The following ARHGAP9 variants were observed in gnomAD, a reference collection of about 807,000 sequenced individuals.
The protein encoded by ARHGAP9 is Rho GTPase activating protein 9, also known as rho GTPase-activating protein 9.
ARHGAP9 carries 76 observed loss-of-function variants against 87.3 expected under a neutral mutation model. The ratio of observed to expected loss-of-function variants is 0.87; its 90% confidence interval spans 0.72 to 1.05. The LOEUF (loss-of-function observed/expected upper bound fraction) is 1.05. Among genes scored for constraint, ARHGAP9 ranks in the 50% least tolerant of loss-of-function variants. The probability of loss-of-function intolerance (pLI) is 0.00; values close to 1 mark genes in which losing one functional copy is unlikely to be tolerated. For missense variants in ARHGAP9, 941 were observed against 960.5 expected (o/e 0.98, Z 0.27); for synonymous variants, 382 against 394.9 (o/e 0.97, Z 0.39).
intron 8 of ARHGAP9, 47 bp from the exon 9 acceptor site, chr12:57,476,213 T>C (rs1234735479): frequency 2.7e-6 from 4 of 1,507,456 alleles, no homozygotes; most frequent in Non-Finnish European, 8.9e-7. Context: ...TTTCCTTCAC[T>C]GCTTCCCTCT....
At chr12:57,488,815 T>C (rs1875680369), upstream of ARHGAP9, 3 of 821,780 alleles carry the variant, frequency 3.7e-6, no homozygotes, top group Non-Finnish European at 5.8e-6. Context: ...TGCTTCCAGC[T>C]GGCAGTTTCA....
chr12:57,479,372 C>T lies in ARHGAP9; in HGVS notation c.35G>A (p.Gly12Glu), dbSNP rs749252150. The T allele has an allele frequency of 3.7e-6, 6 of 1,613,668 alleles. No homozygotes were observed. The Admixed American group carries it at 5.0e-5, about 13-fold the overall frequency. ...GCTTCGGGGGCCCAGCCCTAGGATC[C>T]CCCAGGAACTTGGCCACCACCGGCT... ...LSSRWWPSSWGILGLGPRSPP... is the reference protein window; with the variant it reads ...LSSRWWPSSWEILGLGPRSPP... The change falls in exon 2 of 18, where the codon GGG becomes GAG. Residue 12 changes from glycine (G) to glutamate (E), a missense_variant. Coordinates refer to ENST00000393791, the MANE Select transcript of ARHGAP9 (RefSeq NM_032496.4).
chr12:57,484,591 A>C (rs1442258200), upstream of ARHGAP9, among the ~76,000 whole-genome samples: 2 of 152,114 alleles, frequency 1.3e-5, no homozygotes, highest in Admixed American at 1.3e-4. Flanking sequence ...TAAAGTCATA[A>C]CTTTATGCCT....
At chr12:57,480,774 T>A, upstream of ARHGAP9, 1 of 1,550,332 alleles carries the variant, frequency 6.5e-7, no homozygotes, top group South Asian at 1.2e-5. Flanking sequence ...TGCTTCTGCC[T>A]TACCTGGCCA....
intron 6 of ARHGAP9, 39 bp from the exon 7 acceptor site, chr12:57,476,690 G>C: frequency 6.2e-7 from 1 of 1,612,414 alleles, no homozygotes; most frequent in East Asian, 2.2e-5. Context: ...AGTCACCCTC[G>C]CCCTCCATAG....
Position 57,479,387 on chromosome 12 carries a change from C to T in ARHGAP9, c.20G>A (p.Trp7Ter), listed in dbSNP as rs1426343674. The part of the protein sequence containing the change: MLSSRW[W>*]PSSWGILGLG... ...CCCTAGGATCCCCCAGGAACTTGGC[C>T]ACCACCGGCTGGATAGCATTGTAGC... The change falls in exon 2 of 18, where the codon TGG becomes TAG. Residue 7 changes from tryptophan to a stop codon, truncating the protein, a stop_gained. Transcript: ENST00000393791. LOFTEE classifies it high-confidence loss of function. 4 of 1,613,184 alleles carry T rather than the reference C, an allele frequency of 2.5e-6. No individual in the cohort carries two copies. Among genetic ancestry groups the T allele is most frequent in the Non-Finnish European group, 3.4e-6 (4 of 1,179,832 alleles).
upstream of ARHGAP9, among the ~76,000 whole-genome samples, chr12:57,484,206 G>C (rs537826403): frequency 6.6e-6 from 1 of 151,884 alleles, no homozygotes; most frequent in African/African-American, 2.4e-5. Context: ...CAAAAAATTA[G>C]CTGGGCATGG....
rs1214362669 is a variant in ARHGAP9, at chr12:57,478,040, T to C, written c.535-360A>G. The C allele has an allele frequency of 4.4e-5, 44 of 992,340 alleles. No individual in the cohort carries two copies. In the South Asian group the frequency reaches 7.1e-4, roughly 16 times the overall value. The allele number at this position is 992,340 out of a possible 1,614,324, so 61.5% of individuals were successfully genotyped here. On this transcript the variant is annotated intron_variant, in intron 3 of 17. Transcript: ENST00000393791. Reference sequence around the variant, plus strand: ...AGGTAAAAGAAGACAGAGAAGGGTCTACAGAAGGGAAGAGGAGCCCCTTTC... The same window carrying C: ...AGGTAAAAGAAGACAGAGAAGGGTCCACAGAAGGGAAGAGGAGCCCCTTTC...
Position 57,488,684 on chromosome 12 carries a change from A to G in ARHGAP9, c.-276T>C, listed in dbSNP as rs77298381. ...CTTGTAAGTCTTCTCAGTTCTTTTAATTTTGTTCTCCCACTGTGACCTTCA... is the reference window on the plus strand; with the variant it reads ...CTTGTAAGTCTTCTCAGTTCTTTTAGTTTTGTTCTCCCACTGTGACCTTCA... On this transcript the variant is annotated 5_prime_UTR_variant, in exon 1 of 21. Coordinates refer to the ARHGAP9 transcript ENST00000393797. The G allele has an allele frequency of 0.01, 15,584 of 1,538,160 alleles. 1,202 individuals are homozygous for G. The African/African-American group carries it at 0.18, about 17-fold the overall frequency.
At chr12:57,484,708 G>A (rs999750132), upstream of ARHGAP9, among the ~76,000 whole-genome samples, 3 of 152,128 alleles carry the variant, frequency 2.0e-5, no homozygotes, top group African/African-American at 4.8e-5. Flanking sequence ...ACAGTGGTGC[G>A]ATCCCGGCTC....
upstream of ARHGAP9, among the ~76,000 whole-genome samples, chr12:57,481,183 C>T (rs185147488): frequency 4.7e-4 from 71 of 152,234 alleles, 2 homozygotes; most frequent in African/African-American, 1.4e-3. Context: ...AAGTCTCTCC[C>T]ATCTTTAGAC....
intron 14 of ARHGAP9, 36 bp downstream of exon 14, chr12:57,474,589 AT>A: frequency 1.2e-6 from 2 of 1,613,856 alleles, no homozygotes; most frequent in Non-Finnish European, 8.5e-7. Flanking sequence ...CAGGCAAGAC[AT>A]TCTTAGTACA....
At chr12:57,478,119 A>G in intron 3 of ARHGAP9, 1 of 384,144 alleles carries the variant, frequency 2.6e-6, no homozygotes, top group Non-Finnish European at 4.4e-6. Flanking sequence ...TCTCTAGAGG[A>G]GACCTGCTGT....
chr12:57,475,185 T>G, intron 12 of ARHGAP9, 106 bp downstream of exon 12: 1 of 1,253,600 alleles, frequency 8.0e-7, no homozygotes, highest in Non-Finnish European at 1.1e-6. Flanking sequence ...CAATCTGGGG[T>G]AGTGGGAAAG....
chr12:57,477,070 G>A (rs1874041237), intron 5 of ARHGAP9, 86 bp downstream of exon 5: 1 of 1,521,474 alleles, frequency 6.6e-7, no homozygotes, highest in Non-Finnish European at 9.1e-7. Context: ...GGGTGTGGTG[G>A]GGAATGGAGA....
At chr12:57,485,954 G>A in intron 1 of ARHGAP9, among the ~76,000 whole-genome samples, 1 of 152,130 alleles carries the variant, frequency 6.6e-6, no homozygotes, top group East Asian at 1.9e-4. Flanking sequence ...ATATCTACAT[G>A]AGACCTCTCT....
upstream of ARHGAP9, chr12:57,479,921 C>T (rs1226296603): frequency 1.3e-5 from 18 of 1,439,406 alleles, no homozygotes; most frequent in Admixed American, 6.0e-5. Flanking sequence ...TCAATGTTTC[C>T]GTTACCAGTC....
chr12:57,472,852 T>A (rs1872297378), intron 17 of ARHGAP9, among the ~76,000 whole-genome samples, 164 bp from the exon 18 acceptor site: 1 of 152,038 alleles, frequency 6.6e-6, no homozygotes. Context: ...GATGGACCAG[T>A]GGAGAAACCT....
chr12:57,487,361 G>T (rs1438320373), intron 1 of ARHGAP9: 1 of 152,012 alleles, frequency 6.6e-6, no homozygotes, highest in Non-Finnish European at 1.5e-5. Context: ...TGGTAACTCC[G>T]AACTCTAAAA....
Sources: allele counts gnomAD v4.1 joint callset (sites outside exome capture counted in the v4.1 genomes callset), GRCh38; gene constraint gnomAD v4.1.1; transcripts MANE v1.5; gene names NCBI Gene and HGNC (gene_info 2026-07-23, HGNC 2026-07-21).